Variants in CD276 observed in about 807,000 individuals in gnomAD.
CD276 encodes the protein CD276 antigen.
CD276 carries 34 observed loss-of-function variants against 50.0 expected under a neutral mutation model. That is an observed-to-expected ratio of 0.68 (90% CI 0.52 to 0.91). The LOEUF (loss-of-function observed/expected upper bound fraction) is 0.91. Ranked by LOEUF, CD276 falls within the 40% of genes least tolerant of loss-of-function variation. CD276 has a pLI of 0.00. For synonymous variants in CD276, 275 were observed against 313.0 expected, an observed-to-expected ratio of 0.88 and a Z score of 1.28; for missense variants, 634 against 717.5, an observed-to-expected ratio of 0.88 and a Z score of 1.33.
intron 1 of CD276, among the ~76,000 whole-genome samples, chr15:73,693,386 T>A (rs1026098037): frequency 1.3e-5 from 2 of 152,178 alleles, no homozygotes; most frequent in Non-Finnish European, 2.9e-5. Context: ...TAAACCTGGA[T>A]AAAATGGCCA....
intron 1 of CD276, among the ~76,000 whole-genome samples, chr15:73,692,004 C>T (rs1007392073): frequency 5.9e-5 from 9 of 152,128 alleles, no homozygotes; most frequent in Non-Finnish European, 1.3e-4. Context: ...TCACAGTATT[C>T]CACAGTTTCC....
In CD276 at chr15:73,684,672, T is replaced by A. The variant is rs1366325345; in HGVS notation, c.-55+212T>A. ...TCCCGGGAACCGCGGGCGCCCCTCCTGCCCTGGGCTGTGGGGCCCGCGGAG... is the reference window on the plus strand; with the variant it reads ...TCCCGGGAACCGCGGGCGCCCCTCCAGCCCTGGGCTGTGGGGCCCGCGGAG... On this transcript the variant is annotated intron_variant, in intron 1 of 9. Coordinates refer to ENST00000318443, the MANE Select transcript of CD276 (RefSeq NM_001024736.2). 6.6e-5 allele frequency: 10 copies of A among 152,006 alleles called. No individual in the cohort carries two copies. In the East Asian group the frequency reaches 1.8e-3, roughly 27 times the overall value. The allele number at this position is 152,006 out of a possible 1,614,324, so 9.4% of individuals were successfully genotyped here. A position where few individuals can be genotyped will look rare whatever the true frequency, so the allele number is the denominator to read the frequency against.
At chr15:73,691,826 T>C (rs953611401) in intron 1 of CD276, among the ~76,000 whole-genome samples, 2 of 152,234 alleles carry the variant, frequency 1.3e-5, no homozygotes, top group Non-Finnish European at 2.9e-5. Flanking sequence ...TAAGAAGGAA[T>C]TGAAGTTTAG....
rs769437487 is a variant in CD276 at position 73,702,722 on chromosome 15, C to T, written c.419-50C>T. 6.9e-6 allele frequency: 11 copies of T among 1,583,880 alleles called. No homozygotes were observed. The East Asian group carries it at 1.4e-4, about 20-fold the overall frequency. On this transcript the variant is annotated intron_variant, in intron 3 of 9. Transcript: ENST00000318443. Reference sequence around the variant, plus strand: ...TGTACTCAGCCCCATGCATCCTTTTCGTCCTCTGCCATTGCCCTGCCCTTG... The same window carrying T: ...TGTACTCAGCCCCATGCATCCTTTTTGTCCTCTGCCATTGCCCTGCCCTTG...
intron 1 of CD276, among the ~76,000 whole-genome samples, chr15:73,698,178 C>T (rs941022481): frequency 3.9e-5 from 6 of 152,186 alleles, no homozygotes; most frequent in Admixed American, 1.3e-4. Flanking sequence ...TGACTCCAGC[C>T]TTGAGGTCAT....
chr15:73,688,055 C>T (rs1162168459), intron 1 of CD276, among the ~76,000 whole-genome samples: 1 of 152,118 alleles, frequency 6.6e-6, no homozygotes, highest in Non-Finnish European at 1.5e-5. Flanking sequence ...GGGCCCAGGA[C>T]CACTAGAATG....
rs1221245861 is a variant in CD276, at chr15:73,702,427, C to T, written c.252C>T (p.Asp84=). 6.2e-7 allele frequency: 1 copy of T among 1,613,812 alleles called. No homozygotes were observed. Among genetic ancestry groups the T allele is most frequent in the South Asian group, 1.1e-5 (1 of 91,076 alleles). The part of the protein sequence containing the change: ...QLVHSFAEGQ[D]QGSAYANRTA... ...TGCACAGCTTTGCTGAGGGCCAGGA[C>T]CAGGGCAGCGCCTATGCCAACCGCA... is the stretch of plus-strand genomic sequence containing the variant. The change falls in exon 3 of 10, where the codon GAC becomes GAT. Residue 84 remains aspartate, a synonymous_variant. Coordinates refer to ENST00000318443, the MANE Select transcript of CD276 (RefSeq NM_001024736.2).
chr15:73,705,085 A>AG (rs1410193251), intron 6 of CD276, among the ~76,000 whole-genome samples: 3 of 152,110 alleles, frequency 2.0e-5, no homozygotes, highest in Non-Finnish European at 4.4e-5. Context: ...CTTGTGCCTG[A>AG]GGGTGTGAAG....
intron 1 of CD276, among the ~76,000 whole-genome samples, chr15:73,693,866 C>T (rs991413610): frequency 8.5e-6 from 1 of 118,096 alleles, no homozygotes; most frequent in African/African-American, 3.4e-5. Context: ...GTGCCCATCA[C>T]GGGAGGGCAA....
chr15:73,708,299 C>T, intron 6 of CD276, 40 bp from the exon 7 acceptor site: 2 of 1,606,202 alleles, frequency 1.2e-6, no homozygotes, highest in Non-Finnish European at 1.7e-6. Context: ...GGACATGGGG[C>T]CAGGCATGAC....
chr15:73,686,604 G>A (rs1383344065), intron 1 of CD276, among the ~76,000 whole-genome samples: 1 of 152,130 alleles, frequency 6.6e-6, no homozygotes, highest in African/African-American at 2.4e-5. Flanking sequence ...CTCTGGAGGG[G>A]TAAATCTTTG....
intron 8 of CD276, 49 bp downstream of exon 8, chr15:73,709,738 G>A: frequency 1.9e-6 from 3 of 1,578,482 alleles, no homozygotes; most frequent in South Asian, 1.1e-5. Flanking sequence ...AGGGACATAT[G>A]GGAAAGGAGA....
intron 6 of CD276, among the ~76,000 whole-genome samples, chr15:73,707,390 C>T (rs915466430): frequency 6.6e-6 from 1 of 152,228 alleles, no homozygotes; most frequent in Non-Finnish European, 1.5e-5. Flanking sequence ...GCTCCTGGCC[C>T]TACCCAGCTT....
At chr15:73,711,482 C>T (rs1279497184) in intron 9 of CD276, 2 of 331,370 alleles carry the variant, frequency 6.0e-6, no homozygotes, top group African/African-American at 2.1e-5. Context: ...TGGATTCTGC[C>T]CTCTTCAACT....
chr15:73,714,177 G>A lies in CD276; in HGVS notation c.*1221G>A. 3.9e-6 allele frequency: 1 copy of A among 256,648 alleles called. No homozygotes were observed. The highest frequency in any genetic ancestry group is 3.9e-5 in the South Asian group (1 of 25,596). The allele number at this position is 256,648 out of a possible 1,614,324, so 15.9% of individuals were successfully genotyped here. ...AAAATGTCTGTCCAGGTGTGGGCAGGTGGGCAGGCACCAAGGCCCTCTGGA... is the reference window on the plus strand; with the variant it reads ...AAAATGTCTGTCCAGGTGTGGGCAGATGGGCAGGCACCAAGGCCCTCTGGA... On this transcript the variant is annotated 3_prime_UTR_variant, in exon 10 of 10. Coordinates refer to ENST00000318443, the MANE Select transcript of CD276 (RefSeq NM_001024736.2).
At chr15:73,686,966 C>T (rs572350179) in intron 1 of CD276, among the ~76,000 whole-genome samples, 40 of 152,048 alleles carry the variant, frequency 2.6e-4, no homozygotes, top group Middle Eastern at 6.3e-3. Context: ...TGTCCTTTTC[C>T]CACATCCCCA....
intron 8 of CD276, among the ~76,000 whole-genome samples, chr15:73,710,372 C>T (rs1414668642): frequency 1.3e-5 from 2 of 152,222 alleles, no homozygotes. Context: ...GAAGCTCTTT[C>T]AGGTGACTGG....
chr15:73,702,965 G>A lies in CD276; in HGVS notation c.612G>A (p.Val204=), dbSNP rs757269794. 23 of 1,614,082 alleles carry A rather than the reference G, an allele frequency of 1.4e-5. No homozygotes were observed. Among genetic ancestry groups the A allele is most frequent in the Non-Finnish European group, 1.8e-5 (21 of 1,180,046 alleles). The change falls in exon 4 of 10, where the codon GTG becomes GTA. Residue 204 remains valine (V), a synonymous_variant. Coordinates refer to ENST00000318443, the MANE Select transcript of CD276 (RefSeq NM_001024736.2). ...CCAACGAGCAGGGCTTGTTTGATGT[G>A]CACAGCATCCTGCGGGTGGTGCTGG... ...QMANEQGLFD[V]HSILRVVLGA... is the part of the protein sequence containing the mutation.
intron 8 of CD276, 118 bp downstream of exon 8, chr15:73,709,807 T>C: frequency 2.9e-6 from 3 of 1,030,036 alleles, no homozygotes; most frequent in South Asian, 3.3e-5. Context: ...AAATGTGTTC[T>C]GTGGACTCAG....
Sources: allele counts gnomAD v4.1 joint callset (sites outside exome capture counted in the v4.1 genomes callset), GRCh38; gene constraint gnomAD v4.1.1; transcripts MANE v1.5; gene names NCBI Gene and HGNC (gene_info 2026-07-23, HGNC 2026-07-21).